Variants in TTBK2 observed in about 807,000 individuals in gnomAD.
TTBK2 encodes the protein tau tubulin kinase 2, also known as tau-tubulin kinase 2.
TTBK2 carries 28 observed loss-of-function variants against 110.8 expected under a neutral mutation model. The ratio of observed to expected loss-of-function variants is 0.25; its 90% CI spans 0.19 to 0.35. The LOEUF is 0.35. Among genes scored for constraint, TTBK2 ranks in the 10% least tolerant of loss-of-function variants. The probability of loss-of-function intolerance (pLI) is 1.00; values close to 1 mark genes in which losing one functional copy is unlikely to be tolerated. For missense variants in TTBK2, 1,369 were observed against 1,500.3 expected (o/e 0.91, Z 1.45); for synonymous variants, 532 against 527.3 (o/e 1.01, Z -0.12).
At chr15:42,756,199 T>C (rs556613155) in intron 13 of TTBK2, among the ~76,000 whole-genome samples, 1 of 151,494 alleles carries the variant, frequency 6.6e-6, no homozygotes. Flanking sequence ...TGCTGGACCC[T>C]GTCTGAAAAA....
Position 42,886,781 on chromosome 15 carries a change from C to T in TTBK2, c.-67-8097G>A, listed in dbSNP as rs566238654. ...CGGTCAGGCGTTCCTTCAGGACTTC[C>T]TCCCCCAGGATCTTGCTTCAAGTGC... On this transcript the variant is annotated intron_variant, in intron 1 of 14. Transcript: ENST00000267890. 3.3e-5 allele frequency among the ~76,000 whole-genome samples: 5 copies of T among 152,348 alleles called. No individual in the cohort carries two copies. In the South Asian group the frequency reaches 8.3e-4, roughly 25 times the overall value.
intron 3 of TTBK2, among the ~76,000 whole-genome samples, chr15:42,846,123 A>T (rs2141031204): frequency 6.8e-6 from 1 of 148,026 alleles, no homozygotes; most frequent in African/African-American, 2.6e-5. Context: ...GGAAATAATT[A>T]CAGGAAAAAA....
chr15:42,826,858 G>C lies in TTBK2; in HGVS notation c.537+1070C>G, dbSNP rs568679990. Among the ~76,000 whole-genome samples, 33 of 152,244 alleles carry C rather than the reference G, an allele frequency of 2.2e-4. No homozygotes were observed. In the South Asian group the frequency reaches 6.4e-3, roughly 30 times the overall value. On this transcript the variant is annotated intron_variant, in intron 6 of 14. Transcript: ENST00000267890. Reference sequence around the variant, plus strand: ...TATCAAAAATAGAGGTTGTGGTAAAGGGAACTGGGAGGAAATTCACTGAAC... The same window carrying C: ...TATCAAAAATAGAGGTTGTGGTAAACGGAACTGGGAGGAAATTCACTGAAC...
intron 3 of TTBK2, among the ~76,000 whole-genome samples, chr15:42,864,054 C>CT (rs200567576): frequency 0.012 from 1,828 of 152,208 alleles, 34 homozygotes; most frequent in African/African-American, 0.041. Context: ...CCAGAAGTAA[C>CT]GCAACGATAA....
At chr15:42,907,557 CA>C (rs1205151165) in intron 1 of TTBK2, among the ~76,000 whole-genome samples, 25 of 151,974 alleles carry the variant, frequency 1.6e-4, no homozygotes, top group Admixed American at 3.9e-4. Flanking sequence ...TGAAATAAGC[CA>C]AGTACAGAAA....
At chr15:42,901,900 C>T (rs1406917198) in intron 1 of TTBK2, among the ~76,000 whole-genome samples, 1 of 152,074 alleles carries the variant, frequency 6.6e-6, no homozygotes, top group African/African-American at 2.4e-5. Context: ...CATCACTAAT[C>T]ATTAGGGGAA....
At position 42,771,318 on chromosome 15, in the gene TTBK2, TA is replaced by T. The variant is rs202054997; in HGVS notation, c.1998+3816del. On this transcript the variant is annotated intron_variant, in intron 13 of 14. Coordinates refer to ENST00000267890, the MANE Select transcript of TTBK2 (RefSeq NM_173500.4). ...CCAGAAAGATTTTTAATTACCATGC[TA>T]AAAAAAAATTAGTTGAGAAAATAAA... Among the ~76,000 whole-genome samples the T allele has an allele frequency of 1.0e-3, 157 of 151,460 alleles. 2 individuals carry two copies. The highest frequency in any genetic ancestry group is 1.0e-2 in the Admixed American group (152 of 15,222).
chr15:42,795,654 C>T (rs1043232728), intron 9 of TTBK2, among the ~76,000 whole-genome samples: 7 of 151,896 alleles, frequency 4.6e-5, no homozygotes, highest in Admixed American at 6.6e-5. Context: ...ACCAGCCTGG[C>T]GAACATGGTG....
Position 42,802,457 on chromosome 15 carries a change from G to A in TTBK2, c.823-7656C>T, listed in dbSNP as rs951817819. ...ACGGAATCCCAGAAGGAGTGGAGAA[G>A]CTGCTTCTTGGTCTGCACACAGTCT... On this transcript the variant is annotated intron_variant, in intron 9 of 14. Transcript: ENST00000267890. The A allele has an allele frequency of 7.4e-6, 5 of 675,006 alleles. No homozygotes were observed. In the African/African-American group the frequency reaches 8.8e-5, roughly 12 times the overall value. The allele number at this position is 675,006 out of a possible 1,614,324, so 41.8% of individuals were successfully genotyped here.
chr15:42,793,569 G>T (rs2140862356), intron 10 of TTBK2, among the ~76,000 whole-genome samples: 1 of 151,436 alleles, frequency 6.6e-6, no homozygotes, highest in South Asian at 2.1e-4. Flanking sequence ...AAAAAATCAG[G>T]CCGGCGCAGT....
chr15:42,752,740 T>C lies in TTBK2; in HGVS notation c.2506A>G (p.Asn836Asp), dbSNP rs760123245. Reference protein sequence around the residue: ...TKTQTFSVVPNQDKNNEIMKL... With the variant: ...TKTQTFSVVPDQDKNNEIMKL... ...ATTATCTCATTATTTTTGTCTTGATTTGGCACCACACTAAAAGTCTGTGTT... is the reference window on the plus strand; with the variant it reads ...ATTATCTCATTATTTTTGTCTTGATCTGGCACCACACTAAAAGTCTGTGTT... Residue 836 changes from asparagine to aspartate, a missense_variant, in exon 14 of 15, where the codon AAT (asparagine) becomes GAT (aspartate). By Grantham distance (23) the Asn-to-Asp change is conservative. Transcript: ENST00000267890. 4.3e-6 allele frequency: 7 copies of C among 1,614,214 alleles called. No individual in the cohort carries two copies. The highest frequency in any genetic ancestry group is 5.9e-6 in the Non-Finnish European group (7 of 1,180,050).
intron 3 of TTBK2, among the ~76,000 whole-genome samples, chr15:42,844,942 G>A (rs1452326435): frequency 6.6e-6 from 1 of 152,142 alleles, no homozygotes; most frequent in Non-Finnish European, 1.5e-5. Context: ...GATAAATTAA[G>A]TAAGATCCAT....
At chr15:42,837,098 G>A (rs114893753) in intron 4 of TTBK2, among the ~76,000 whole-genome samples, 1,734 of 152,150 alleles carry the variant, frequency 0.011, 30 homozygotes, top group African/African-American at 0.039. Context: ...GGTGGCTTAC[G>A]TCTAGAATCC....
At chr15:42,750,196 A>C (rs2061846399) in intron 14 of TTBK2, among the ~76,000 whole-genome samples, 1 of 152,190 alleles carries the variant, frequency 6.6e-6, no homozygotes, top group Non-Finnish European at 1.5e-5. Context: ...TCAACAAAAA[A>C]AATAAAAAAA....
In TTBK2 at chr15:42,741,783, A is replaced by G. The variant is rs1331938765; in HGVS notation, c.*4012T>C. On this transcript the variant is annotated 3_prime_UTR_variant, in exon 15 of 15. Transcript: ENST00000267890. ...TTTTCAAACAGCCAGGGGAAAATGC[A>G]TTTTTTTCACCGAGTCTCACTAAAT... 6.6e-6 allele frequency: 1 copy of G among 152,072 alleles called. No individual in the cohort carries two copies. Among genetic ancestry groups the G allele is most frequent in the Non-Finnish European group, 1.5e-5 (1 of 68,016 alleles). 9.4% of individuals were successfully genotyped at this position (152,072 alleles called of 1,614,324 possible).
intron 10 of TTBK2, among the ~76,000 whole-genome samples, chr15:42,792,132 T>C (rs935240213): frequency 1.3e-5 from 2 of 152,170 alleles, no homozygotes; most frequent in African/African-American, 4.8e-5. Context: ...AGAGTGAGAC[T>C]CTGTAGCAAA....
Position 42,764,678 on chromosome 15 carries a change from G to A in TTBK2, c.1998+10457C>T, listed in dbSNP as rs189190173. 1.4e-3 allele frequency among the ~76,000 whole-genome samples: 213 copies of A among 152,380 alleles called. 1 individual carries two copies. The highest frequency in any genetic ancestry group is 2.3e-3 in the Non-Finnish European group (156 of 68,036). ...TCTGTAGACTCCACCTCTGGGGGCA[G>A]AGCATAGCTGAACAAAAGGCAGCAG... On this transcript the variant is annotated intron_variant, in intron 13 of 14. Coordinates refer to ENST00000267890, the MANE Select transcript of TTBK2 (RefSeq NM_173500.4).
rs561670278 is a variant in TTBK2 at position 42,885,254 on chromosome 15, C to T, written c.-67-6570G>A. On this transcript the variant is annotated intron_variant, in intron 1 of 14. Coordinates refer to ENST00000267890, the MANE Select transcript of TTBK2 (RefSeq NM_173500.4). ...CAGTCCCCTGTCCTCACCCTCACTCCGTGAAGAGATCTACCTATCACCTCA... is the reference window on the plus strand; with the variant it reads ...CAGTCCCCTGTCCTCACCCTCACTCTGTGAAGAGATCTACCTATCACCTCA... Among the ~76,000 whole-genome samples the T allele has an allele frequency of 6.6e-5, 10 of 152,266 alleles. No individual in the cohort carries two copies. In the South Asian group the frequency reaches 1.2e-3, roughly 19 times the overall value.
intron 1 of TTBK2, among the ~76,000 whole-genome samples, chr15:42,898,377 T>C (rs1427082164): frequency 1.3e-5 from 2 of 151,988 alleles, no homozygotes; most frequent in African/African-American, 4.8e-5. Context: ...AAACTCCGTC[T>C]CTAAAGAAAA....
Sources: gnomAD v4.1 joint callset for allele counts (sites outside exome capture counted in the v4.1 genomes callset) on GRCh38, gnomAD v4.1.1 for gene constraint, MANE v1.5 for transcripts, NCBI Gene and HGNC (gene_info 2026-07-23, HGNC 2026-07-21) for gene names.